Variants in DESI1 observed in about 807,000 individuals in gnomAD.
DESI1 encodes the protein desumoylating isopeptidase 1.
DESI1 carries 17 observed loss-of-function variants against 22.4 expected under a neutral mutation model. The observed-to-expected ratio is 0.76, with a 90% CI of 0.52 to 1.14. The LOEUF (loss-of-function observed/expected upper bound fraction) is 1.14. Among genes scored for constraint, DESI1 ranks in the 50% most tolerant of loss-of-function variants. The probability of loss-of-function intolerance (pLI) is 0.00; values close to 1 mark genes in which losing one functional copy is unlikely to be tolerated. For synonymous variants in DESI1, 92 were observed against 84.2 expected, an observed-to-expected ratio of 1.09 and a Z score of -0.51; for missense variants, 177 against 208.9, an observed-to-expected ratio of 0.85 and a Z score of 0.94.
At chr22:41,620,582 G>T (rs992754660) in intron 1 of DESI1, among the ~76,000 whole-genome samples, 170 bp downstream of exon 1, 1 of 152,162 alleles carries the variant, frequency 6.6e-6, no homozygotes, top group African/African-American at 2.4e-5. Context: ...GCTAAAGCGG[G>T]GCTCAGATGG....
At position 41,604,133 on chromosome 22, in the gene DESI1, A is replaced by G. The variant is rs755224934; in HGVS notation, c.201T>C (p.Pro67=). ...TCCCCACATCAACCACAGAGTCTGG[A>G]GGCCCAAGCAATGTCCCTCCCTAAA... is the stretch of plus-strand genomic sequence containing the variant. The part of the protein sequence containing the change: ...SCPPGGTLLG[P]PDSVVDVGST... The change falls in exon 4 of 6, where the codon CCT becomes CCC. Residue 67 remains proline, a synonymous_variant. Transcript: ENST00000263256. 6.2e-7 allele frequency: 1 copy of G among 1,613,692 alleles called. No homozygotes were observed.
chr22:41,605,149 T>C (rs763969480), intron 3 of DESI1, among the ~76,000 whole-genome samples: 2 of 152,224 alleles, frequency 1.3e-5, no homozygotes, highest in Non-Finnish European at 2.9e-5. Flanking sequence ...TCTTATGATA[T>C]ACTTGATATC....
At chr22:41,608,741 A>T (rs911250190) in intron 1 of DESI1, among the ~76,000 whole-genome samples, 2 of 152,068 alleles carry the variant, frequency 1.3e-5, no homozygotes, top group African/African-American at 4.8e-5. Flanking sequence ...GGGATAGCAG[A>T]TGAATTGGAG....
intron 1 of DESI1, among the ~76,000 whole-genome samples, chr22:41,611,591 C>CTTTT (rs132764): frequency 1.3e-4 from 13 of 103,894 alleles, no homozygotes; most frequent in Admixed American, 2.8e-4. Flanking sequence ...CCTGTTCCTT[C>CTTTT]TTTTTTTTTT....
intron 3 of DESI1, among the ~76,000 whole-genome samples, chr22:41,606,150 C>A (rs1473251893): frequency 2.0e-5 from 3 of 151,828 alleles, no homozygotes; most frequent in African/African-American, 7.3e-5. Flanking sequence ...TTGCTTGAGC[C>A]CAGGAGTTTG....
At chr22:41,602,314 C>T in intron 5 of DESI1, 15 of 985,428 alleles carry the variant, frequency 1.5e-5, no homozygotes, top group Non-Finnish European at 1.8e-5. Context: ...TCTGGCTACT[C>T]CAGTTTGCTC....
rs1408249027 is a variant in DESI1 at position 41,599,981 on chromosome 22, C to T, written c.*1116G>A. On this transcript the variant is annotated 3_prime_UTR_variant, in exon 6 of 6. Transcript: ENST00000263256. ...ATCACCCGAGGTCAGGAGTTCCAGA[C>T]CAGCCTGGCCAACATGGCAAAACCC... 1 of 151,916 alleles carries T rather than the reference C, an allele frequency of 6.6e-6. No homozygotes were observed. The highest frequency in any genetic ancestry group is 1.5e-5 in the Non-Finnish European group (1 of 67,970). The allele number at this position is 151,916 out of a possible 1,614,324, so 9.4% of individuals were successfully genotyped here. A position where few individuals can be genotyped will look rare whatever the true frequency, so the allele number is the denominator to read the frequency against.
Position 41,620,977 on chromosome 22 carries a change from GGCCGCCCTGC to G in DESI1, c.-148_-139del. On this transcript the variant is annotated 5_prime_UTR_variant, in exon 1 of 6. Coordinates refer to ENST00000263256, the MANE Select transcript of DESI1 (RefSeq NM_015704.3). ...GGCCCGGGCTGAGGGGTGGGGGAGAGGCCGCCCTGCGCTGCTCGCGCCCCCACACCCGCTA... is the reference window on the plus strand; with the variant it reads ...GGCCCGGGCTGAGGGGTGGGGGAGAGGCTGCTCGCGCCCCCACACCCGCTA... 1.1e-6 allele frequency: 1 copy of G among 902,458 alleles called. No individual in the cohort carries two copies. The highest frequency in any genetic ancestry group is 1.7e-6 in the Non-Finnish European group (1 of 596,080). 55.9% of individuals were successfully genotyped at this position (902,458 alleles called of 1,614,324 possible). A position where few individuals can be genotyped will look rare whatever the true frequency, so the allele number is the denominator to read the frequency against.
chr22:41,617,083 C>T (rs1231192479), intron 1 of DESI1, among the ~76,000 whole-genome samples: 1 of 152,168 alleles, frequency 6.6e-6, no homozygotes, highest in African/African-American at 2.4e-5. Context: ...AAACTTGAAA[C>T]ATTTGGCAAA....
At chr22:41,606,103 C>T (rs2067478438) in intron 3 of DESI1, among the ~76,000 whole-genome samples, 1 of 152,036 alleles carries the variant, frequency 6.6e-6, no homozygotes. Context: ...GGCTTTTATT[C>T]CAAAAGCAAT....
chr22:41,620,946 AGCCCGG>A lies in DESI1; in HGVS notation c.-113_-108del. On this transcript the variant is annotated 5_prime_UTR_variant, in exon 1 of 6. Transcript: ENST00000263256. ...GAAGCGGAGGGAGAGGGGGGGACCG[AGCCCGG>A]GCCCGGGCTGAGGGGTGGGGGAGAG... is the stretch of plus-strand genomic sequence containing the variant. 2 of 1,139,314 alleles carry A rather than the reference AGCCCGG, an allele frequency of 1.8e-6. No homozygotes were observed. The highest frequency in any genetic ancestry group is 2.5e-6 in the Non-Finnish European group (2 of 806,748). The allele number at this position is 1,139,314 out of a possible 1,614,324, so 70.6% of individuals were successfully genotyped here. A position where few individuals can be genotyped will look rare whatever the true frequency, so the allele number is the denominator to read the frequency against.
At chr22:41,617,188 C>T (rs1309376756) in intron 1 of DESI1, among the ~76,000 whole-genome samples, 1 of 152,146 alleles carries the variant, frequency 6.6e-6, no homozygotes, top group African/African-American at 2.4e-5. Context: ...ACAGAGAACG[C>T]GAGCTCTGGA....
At chr22:41,612,027 G>A (rs7291704) in intron 1 of DESI1, among the ~76,000 whole-genome samples, 11,023 of 152,108 alleles carry the variant, frequency 0.072, 956 homozygotes, top group African/African-American at 0.2. Flanking sequence ...TGGCTTAAAC[G>A]GTGAACTAAT....
intron 1 of DESI1, among the ~76,000 whole-genome samples, chr22:41,614,307 A>AT (rs1313112631): frequency 6.6e-6 from 1 of 152,014 alleles, no homozygotes; most frequent in African/African-American, 2.4e-5. Context: ...AAGTGCAGGG[A>AT]TTACAGGGGT....
intron 2 of DESI1, 60 bp from the exon 3 acceptor site, chr22:41,607,391 C>T: frequency 4.0e-6 from 6 of 1,497,594 alleles, no homozygotes; most frequent in Non-Finnish European, 5.4e-6. Flanking sequence ...AAAAAGCAAA[C>T]ACCATAATGC....
chr22:41,607,699 GAGA>G, intron 2 of DESI1, 138 bp downstream of exon 2: 1 of 992,382 alleles, frequency 1.0e-6, no homozygotes, highest in Non-Finnish European at 1.5e-6. Flanking sequence ...AAGAACTGAT[GAGA>G]AGCACTGCTT....
intron 1 of DESI1, among the ~76,000 whole-genome samples, chr22:41,608,662 C>T (rs1014704821): frequency 3.9e-5 from 6 of 152,130 alleles, no homozygotes; most frequent in Admixed American, 1.3e-4. Flanking sequence ...CAGGCCTGGA[C>T]TCAAAGAGGC....
chr22:41,604,223 C>A, intron 3 of DESI1, 70 bp from the exon 4 acceptor site: 4 of 1,107,358 alleles, frequency 3.6e-6, no homozygotes, highest in African/African-American at 1.6e-5. Context: ...TGGCTTCCCA[C>A]AGTAGACCAC....
intron 1 of DESI1, among the ~76,000 whole-genome samples, chr22:41,614,248 G>T (rs1170148324): frequency 6.6e-6 from 1 of 151,862 alleles, no homozygotes; most frequent in East Asian, 1.9e-4. Flanking sequence ...ATGCTGGCCA[G>T]GCTGGTCTCA....
Sources: allele counts gnomAD v4.1 joint callset (sites outside exome capture counted in the v4.1 genomes callset), GRCh38; gene constraint gnomAD v4.1.1; transcripts MANE v1.5; gene names NCBI Gene and HGNC (gene_info 2026-07-23, HGNC 2026-07-21).